Variants in ME2 observed in about 807,000 individuals in gnomAD.
The protein encoded by ME2 is malic enzyme 2, also known as NAD-dependent malic enzyme, mitochondrial.
ME2 carries 60 observed loss-of-function variants against 73.7 expected under a neutral mutation model. The ratio of observed to expected loss-of-function variants is 0.81; its 90% CI spans 0.66 to 1.01. The LOEUF (loss-of-function observed/expected upper bound fraction) is 1.01. Ranked by LOEUF, ME2 falls within the 50% of genes least tolerant of loss-of-function variation. ME2 has a pLI of 0.00. For synonymous variants in ME2, 199 were observed against 236.9 expected (o/e 0.84, Z 1.47); for missense variants, 594 against 705.5 (o/e 0.84, Z 1.79).
At chr18:50,891,692 A>G (rs1468649255) in intron 1 of ME2, among the ~76,000 whole-genome samples, 1 of 152,166 alleles carries the variant, frequency 6.6e-6, no homozygotes, top group Admixed American at 6.5e-5. Flanking sequence ...TCTTGTTGCC[A>G]TAGACAGTGA....
chr18:50,939,785 T>C, intron 14 of ME2, 145 bp downstream of exon 14: 1 of 583,748 alleles, frequency 1.7e-6, no homozygotes, highest in Non-Finnish European at 3.0e-6. Flanking sequence ...GATTTGCCTA[T>C]TTATGCATAA....
chr18:50,911,260 A>G (rs1048996217), intron 3 of ME2, among the ~76,000 whole-genome samples: 3 of 152,208 alleles, frequency 2.0e-5, no homozygotes, highest in Non-Finnish European at 4.4e-5. Context: ...CCTATACTGC[A>G]GAGAAGTCTT....
At chr18:50,896,312 T>C (rs1916744093) in intron 2 of ME2, among the ~76,000 whole-genome samples, 1 of 152,214 alleles carries the variant, frequency 6.6e-6, no homozygotes, top group Non-Finnish European at 1.5e-5. Flanking sequence ...AGGGTCAAAA[T>C]TGTGAAATGA....
chr18:50,882,536 G>A (rs937367403), intron 1 of ME2, among the ~76,000 whole-genome samples: 2 of 152,140 alleles, frequency 1.3e-5, no homozygotes, highest in African/African-American at 4.8e-5. Context: ...TAAGTCAATG[G>A]CTTCCAGACT....
chr18:50,917,694 G>A (rs1484547268), intron 6 of ME2, among the ~76,000 whole-genome samples, 186 bp downstream of exon 6: 3 of 151,608 alleles, frequency 2.0e-5, no homozygotes, highest in Non-Finnish European at 4.4e-5. Context: ...TTCTTGGTCC[G>A]GGCATGGTGG....
At position 50,952,113 on chromosome 18, in the gene ME2, T is replaced by G. The variant is rs1441903591; in HGVS notation, c.*4929T>G. On this transcript the variant is annotated 3_prime_UTR_variant, in exon 16 of 16. Transcript: ENST00000321341. ...TGTATTCATATAGCTCTCAACTGAT[T>G]GGTGATTTGCACTTTGTGCATCTAA... The G allele has an allele frequency of 6.6e-6, 1 of 152,140 alleles. No individual in the cohort carries two copies. The highest frequency in any genetic ancestry group is 1.5e-5 in the Non-Finnish European group (1 of 68,016). The allele number at this position is 152,140 out of a possible 1,614,324, so 9.4% of individuals were successfully genotyped here.
intron 13 of ME2, among the ~76,000 whole-genome samples, chr18:50,936,208 A>G (rs1360458848): frequency 6.6e-6 from 1 of 152,220 alleles, no homozygotes; most frequent in East Asian, 1.9e-4. Flanking sequence ...AGGCAGTGGT[A>G]ATGACCTATT....
chr18:50,924,947 C>G (rs1917512829), intron 11 of ME2, among the ~76,000 whole-genome samples: 1 of 151,618 alleles, frequency 6.6e-6, no homozygotes, highest in African/African-American at 2.4e-5. Context: ...GGGTGAGACT[C>G]CATCTCAAAA....
intron 15 of ME2, among the ~76,000 whole-genome samples, chr18:50,941,353 CTTTTTTT>C (rs57428974): frequency 8.9e-4 from 57 of 63,830 alleles, no homozygotes; most frequent in African/African-American, 4.0e-3. Flanking sequence ...GTGATGGTTT[CTTTTTTT>C]TTTTTTTTTT....
In ME2 at chr18:50,917,459, G is replaced by C. The variant is rs548002959; in HGVS notation, c.581G>C (p.Arg194Pro). 1.2e-6 allele frequency: 2 copies of C among 1,613,040 alleles called. No homozygotes were observed. The highest frequency in any genetic ancestry group is 2.2e-5 in the East Asian group (1 of 44,868). ...TTGTATACAGCTTGTGCAGGAATAC[G>C]GCCTGATAGATGCCTGCCAGTGTGT... ...LCLYTACAGIRPDRCLPVCID... is the reference protein window; with the variant it reads ...LCLYTACAGIPPDRCLPVCID... The change falls in exon 6 of 16, where the codon CGG becomes CCG. Residue 194 changes from arginine (R) to proline (P), a missense_variant. Transcript: ENST00000321341.
chr18:50,924,606 A>T, intron 11 of ME2, among the ~76,000 whole-genome samples: 1 of 151,054 alleles, frequency 6.6e-6, no homozygotes, highest in East Asian at 1.9e-4. Flanking sequence ...CTATGTCATC[A>T]TGGCATTACA....
chr18:50,879,605 C>T (rs183982557), intron 1 of ME2, among the ~76,000 whole-genome samples: 27 of 152,358 alleles, frequency 1.8e-4, no homozygotes, highest in South Asian at 1.4e-3. Flanking sequence ...CCGCTCTCGC[C>T]CGGGAGCGAG....
intron 15 of ME2, among the ~76,000 whole-genome samples, chr18:50,944,824 CTTCA>C (rs1454600516): frequency 2.0e-5 from 3 of 152,022 alleles, no homozygotes; most frequent in Non-Finnish European, 1.5e-5. Context: ...GCCTTCTCTC[CTTCA>C]TTCATTTATT....
chr18:50,932,215 C>T, intron 12 of ME2, 43 bp from the exon 13 acceptor site: 2 of 1,534,486 alleles, frequency 1.3e-6, no homozygotes, highest in Non-Finnish European at 9.0e-7. Flanking sequence ...TTTTCTCATC[C>T]ACAGAAAATA....
chr18:50,906,337 G>A (rs1483475175), intron 2 of ME2, among the ~76,000 whole-genome samples: 1 of 151,916 alleles, frequency 6.6e-6, no homozygotes, highest in Non-Finnish European at 1.5e-5. Flanking sequence ...TTTTGAGATG[G>A]AGTATTGCTC....
chr18:50,920,501 T>C lies in ME2; in HGVS notation c.780T>C (p.His260=). 1 of 1,601,524 alleles carries C rather than the reference T, an allele frequency of 6.2e-7. No homozygotes were observed. Among genetic ancestry groups the C allele is most frequent in the South Asian group, 1.1e-5 (1 of 87,474 alleles). Residue 260 remains histidine (H), a synonymous_variant, in exon 8 of 16, where the codon CAT becomes CAC. Transcript: ENST00000321341. The part of the protein sequence containing the change: ...TLIQFEDFGN[H]NAFRFLRKYR... ...TTCAGTTCGAAGACTTTGGAAATCA[T>C]AATGCATTCAGGTTCTTGAGAAAGT...
intron 12 of ME2, among the ~76,000 whole-genome samples, chr18:50,930,506 A>C (rs1257777406): frequency 6.6e-6 from 1 of 152,226 alleles, no homozygotes; most frequent in African/African-American, 2.4e-5. Flanking sequence ...TGGACTTCAG[A>C]ATAAGAATAT....
At chr18:50,930,537 G>T (rs1209699492) in intron 12 of ME2, among the ~76,000 whole-genome samples, 1 of 152,116 alleles carries the variant, frequency 6.6e-6, no homozygotes, top group Non-Finnish European at 1.5e-5. Context: ...TTAAAATCTG[G>T]CCACGTTTAA....
intron 1 of ME2, among the ~76,000 whole-genome samples, chr18:50,885,998 G>A (rs1916454904): frequency 6.6e-6 from 1 of 152,050 alleles, no homozygotes; most frequent in African/African-American, 2.4e-5. Flanking sequence ...AATGGAGTTT[G>A]CTCAAAGCAG....
Sources: gnomAD v4.1 joint callset for allele counts (sites outside exome capture counted in the v4.1 genomes callset) on GRCh38, gnomAD v4.1.1 for gene constraint, MANE v1.5 for transcripts, NCBI Gene and HGNC (gene_info 2026-07-23, HGNC 2026-07-21) for gene names.